The following GPC6 variants were observed in gnomAD, a reference collection of about 807,000 sequenced individuals.
GPC6 encodes glypican 6.
GPC6 carries 14 observed loss-of-function variants against 55.2 expected under a neutral mutation model. The observed-to-expected ratio is 0.25, with a 90% CI of 0.17 to 0.40. GPC6 has a LOEUF of 0.40. Among genes scored for constraint, GPC6 ranks in the 10% least tolerant of loss-of-function variants. The pLI is 1.00. For missense variants in GPC6, 641 were observed against 708.5 expected, an observed-to-expected ratio of 0.90 and a Z score of 1.08; for synonymous variants, 278 against 259.6, an observed-to-expected ratio of 1.07 and a Z score of -0.68.
At chr13:93,605,559 T>C (rs116124351) in intron 2 of GPC6, among the ~76,000 whole-genome samples, 2,840 of 151,922 alleles carry the variant, frequency 0.019, 88 homozygotes, top group African/African-American at 0.065. Flanking sequence ...GCTGGCTGGG[T>C]GCCGTGGTGG....
At chr13:93,833,404 T>C (rs1385702967) in intron 3 of GPC6, among the ~76,000 whole-genome samples, 1 of 152,154 alleles carries the variant, frequency 6.6e-6, no homozygotes, top group African/African-American at 2.4e-5. Context: ...GAAGCAAGAA[T>C]TGTGTTTGAG....
At chr13:93,627,250 G>A (rs532842974) in intron 2 of GPC6, among the ~76,000 whole-genome samples, 1 of 151,980 alleles carries the variant, frequency 6.6e-6, no homozygotes, top group South Asian at 2.1e-4. Context: ...GAGAACATGT[G>A]GTGTTTGGTT....
intron 3 of GPC6, among the ~76,000 whole-genome samples, chr13:93,832,145 A>ATATATATATATATATAT (rs71272209): frequency 3.7e-4 from 44 of 117,410 alleles, no homozygotes; most frequent in Non-Finnish European, 5.5e-4. Context: ...ATATATATAT[A>ATATATATATATATATAT]ATGTCCTTAC....
At chr13:93,514,107 C>G (rs1384602098) in intron 1 of GPC6, among the ~76,000 whole-genome samples, 1 of 151,946 alleles carries the variant, frequency 6.6e-6, no homozygotes, top group African/African-American at 2.4e-5. Flanking sequence ...CTCCTGACCT[C>G]AGTGATCCAC....
chr13:93,924,414 TAACA>T (rs1877743775), intron 3 of GPC6, among the ~76,000 whole-genome samples: 1 of 152,244 alleles, frequency 6.6e-6, no homozygotes, highest in African/African-American at 2.4e-5. Context: ...TATGGTGTTT[TAACA>T]AACATTTTAT....
intron 2 of GPC6, among the ~76,000 whole-genome samples, chr13:93,781,642 C>T (rs923696409): frequency 2.6e-5 from 4 of 152,088 alleles, no homozygotes; most frequent in African/African-American, 9.7e-5. Context: ...GAGAGTTCCA[C>T]AGATTAAGAT....
chr13:93,236,441 A>G (rs1459596772), intron 1 of GPC6, among the ~76,000 whole-genome samples: 1 of 151,976 alleles, frequency 6.6e-6, no homozygotes, highest in South Asian at 2.1e-4. Flanking sequence ...CCCAACCCCC[A>G]GGCCATGGAC....
chr13:93,703,322 A>G (rs1208697296), intron 2 of GPC6, among the ~76,000 whole-genome samples: 1 of 151,932 alleles, frequency 6.6e-6, no homozygotes, highest in East Asian at 1.9e-4. Flanking sequence ...CAGAGCAATT[A>G]CAATTGTTAA....
At chr13:94,275,581 A>G (rs892904739) in intron 4 of GPC6, among the ~76,000 whole-genome samples, 3 of 152,222 alleles carry the variant, frequency 2.0e-5, no homozygotes, top group Non-Finnish European at 4.4e-5. Context: ...TGATTGGTAA[A>G]TTTAACTATA....
At chr13:93,714,723 T>C (rs1406351516) in intron 2 of GPC6, among the ~76,000 whole-genome samples, 3 of 151,580 alleles carry the variant, frequency 2.0e-5, no homozygotes, top group African/African-American at 7.3e-5. Flanking sequence ...GTAAAGTTTA[T>C]TGGAGTGCTT....
In GPC6 at chr13:93,266,863, A is replaced by C. The variant is rs557740028; in HGVS notation, c.160+39247A>C. On this transcript the variant is annotated intron_variant, in intron 1 of 8. Coordinates refer to ENST00000377047, the MANE Select transcript of GPC6 (RefSeq NM_005708.5). ...CTTTTGCCACTCTATAAGTAGTAAA[A>C]TGTGATTTATTATTCTGTATTCTGT... Among the ~76,000 whole-genome samples, 30 of 152,316 alleles carry C rather than the reference A, an allele frequency of 2.0e-4. 1 individual carries two copies. In the South Asian group the frequency reaches 6.0e-3, roughly 31 times the overall value.
At chr13:94,331,913 CAT>C (rs1437859686) in intron 6 of GPC6, among the ~76,000 whole-genome samples, 1 of 152,198 alleles carries the variant, frequency 6.6e-6, no homozygotes, top group East Asian at 1.9e-4. Context: ...CAACTAAAAA[CAT>C]GTGCTCTTCT....
At chr13:94,285,438 CT>C (rs1892502440) in intron 4 of GPC6, among the ~76,000 whole-genome samples, 1 of 152,136 alleles carries the variant, frequency 6.6e-6, no homozygotes, top group South Asian at 2.1e-4. Flanking sequence ...AACTTCCTCA[CT>C]TTATGGTACA....
intron 5 of GPC6, among the ~76,000 whole-genome samples, chr13:94,287,828 G>A (rs1892572084): frequency 6.6e-6 from 1 of 152,180 alleles, no homozygotes; most frequent in African/African-American, 2.4e-5. Flanking sequence ...TGGTGCTCAA[G>A]TAATCAGGTG....
chr13:94,067,115 A>G (rs1884545274), intron 4 of GPC6, among the ~76,000 whole-genome samples: 1 of 152,204 alleles, frequency 6.6e-6, no homozygotes, highest in Non-Finnish European at 1.5e-5. Context: ...TGAGGAATAC[A>G]CTACATAATT....
chr13:93,278,480 A>G (rs1208597601), intron 1 of GPC6, among the ~76,000 whole-genome samples: 1 of 152,112 alleles, frequency 6.6e-6, no homozygotes, highest in Non-Finnish European at 1.5e-5. Context: ...CTGTTTCCAT[A>G]ATTTTGACTA....
intron 1 of GPC6, among the ~76,000 whole-genome samples, chr13:93,386,595 A>T (rs1245061400): frequency 1.3e-5 from 2 of 152,194 alleles, no homozygotes; most frequent in Non-Finnish European, 2.9e-5. Flanking sequence ...TTTGGGCATA[A>T]GAGAGAGAAA....
intron 1 of GPC6, among the ~76,000 whole-genome samples, chr13:93,254,905 T>C (rs1000239320): frequency 2.0e-5 from 3 of 152,194 alleles, no homozygotes; most frequent in African/African-American, 7.2e-5. Flanking sequence ...GATTTAGCTG[T>C]TTCTGAGAAA....
At chr13:94,075,194 G>A (rs1884866516) in intron 4 of GPC6, among the ~76,000 whole-genome samples, 2 of 152,176 alleles carry the variant, frequency 1.3e-5, no homozygotes, top group Admixed American at 6.5e-5. Context: ...AAAACATAGA[G>A]TCTTCAAACT....
Sources: allele counts gnomAD v4.1 joint callset (sites outside exome capture counted in the v4.1 genomes callset), GRCh38; gene constraint gnomAD v4.1.1; transcripts MANE v1.5; gene names NCBI Gene and HGNC (gene_info 2026-07-23, HGNC 2026-07-21).